Variants in GRM7 observed in about 807,000 individuals in gnomAD.
GRM7 encodes metabotropic glutamate receptor 7.
In GRM7, 35 loss-of-function variants were observed where a neutral mutation model predicts 84.5. The observed-to-expected ratio is 0.41, with a 90% CI of 0.32 to 0.55. The LOEUF (loss-of-function observed/expected upper bound fraction) is 0.55, where lower values mean the gene tolerates loss of function less well. Among genes scored for constraint, GRM7 ranks in the 20% least tolerant of loss-of-function variants. The probability of loss-of-function intolerance (pLI) is 0.19; values close to 1 mark genes in which losing one functional copy is unlikely to be tolerated. For missense variants in GRM7, 1,003 were observed against 1,194.6 expected, an observed-to-expected ratio of 0.84 and a Z score of 2.36; for synonymous variants, 487 against 455.1, an observed-to-expected ratio of 1.07 and a Z score of -0.89.
rs982316653 is a variant in GRM7, at chr3:7,059,487, A to G, written c.520-86965A>G. On this transcript the variant is annotated intron_variant, in intron 1 of 9. Coordinates refer to ENST00000357716, the MANE Select transcript of GRM7 (RefSeq NM_000844.4). ...TCTAAACACATTAAAAGATTCACTC[A>G]TATTTGTTCTTTGATCATTATTAGT... 3.4e-4 allele frequency among the ~76,000 whole-genome samples: 52 copies of G among 151,842 alleles called. 1 individual carries two copies. The highest frequency in any genetic ancestry group is 3.3e-3 in the Admixed American group (50 of 15,198).
chr3:7,050,660 G>A (rs564584335), intron 1 of GRM7, among the ~76,000 whole-genome samples: 1 of 152,068 alleles, frequency 6.6e-6, no homozygotes, highest in Non-Finnish European at 1.5e-5. Context: ...TGCTGCAAAA[G>A]CAGGGAAGTG....
chr3:7,632,522 G>C (rs762692386), intron 8 of GRM7, among the ~76,000 whole-genome samples: 3 of 152,190 alleles, frequency 2.0e-5, no homozygotes, highest in African/African-American at 7.2e-5. Flanking sequence ...AAATGGCAAA[G>C]TGATAAGAGC....
intron 8 of GRM7, among the ~76,000 whole-genome samples, chr3:7,599,484 A>G (rs935883409): frequency 3.9e-5 from 6 of 152,106 alleles, no homozygotes; most frequent in African/African-American, 9.7e-5. Context: ...ATTTGTATTC[A>G]GTTTTCACAT....
chr3:6,999,267 A>G (rs932998317), intron 1 of GRM7, among the ~76,000 whole-genome samples: 3 of 152,164 alleles, frequency 2.0e-5, no homozygotes, highest in Non-Finnish European at 4.4e-5. Flanking sequence ...CCTCATCTCC[A>G]TGTGAGAACA....
intron 2 of GRM7, among the ~76,000 whole-genome samples, chr3:7,200,076 C>A (rs1428292351): frequency 6.6e-6 from 1 of 152,128 alleles, no homozygotes; most frequent in Non-Finnish European, 1.5e-5. Context: ...TGGGCATATG[C>A]CAGGGGATCA....
Position 7,651,044 on chromosome 3 carries a change from C to T in GRM7, c.2452-29005C>T, listed in dbSNP as rs868447028. ...AAATTGTGGGGAAAGAAGGCAGCCT[C>T]TTTTTCTTATTCAACACATGAAGCT... On this transcript the variant is annotated intron_variant, in intron 8 of 9. Transcript: ENST00000357716. Among the ~76,000 whole-genome samples the T allele has an allele frequency of 1.1e-3, 172 of 152,062 alleles. 1 individual carries two copies. The highest frequency in any genetic ancestry group is 0.01 in the Middle Eastern group (3 of 294).
chr3:7,703,911 A>T (rs531092620), intron 9 of GRM7, among the ~76,000 whole-genome samples: 23 of 152,316 alleles, frequency 1.5e-4, no homozygotes, highest in African/African-American at 5.3e-4. Flanking sequence ...TCAGAATGAA[A>T]CTGTCCCTTC....
At chr3:6,989,264 G>C (rs1021574501) in intron 1 of GRM7, among the ~76,000 whole-genome samples, 1 of 152,102 alleles carries the variant, frequency 6.6e-6, no homozygotes, top group Non-Finnish European at 1.5e-5. Flanking sequence ...TATATTTTAT[G>C]TATGTCAACA....
chr3:7,690,360 G>C (rs938892233), intron 9 of GRM7, among the ~76,000 whole-genome samples: 1 of 151,926 alleles, frequency 6.6e-6, no homozygotes, highest in African/African-American at 2.4e-5. Context: ...AGATGCACGG[G>C]AAACATTTAT....
intron 2 of GRM7, among the ~76,000 whole-genome samples, chr3:7,279,422 T>A (rs573696752): frequency 1.3e-5 from 2 of 152,266 alleles, no homozygotes; most frequent in Non-Finnish European, 2.9e-5. Flanking sequence ...ACTGATTGCA[T>A]GAAGACTGGA....
intron 2 of GRM7, among the ~76,000 whole-genome samples, chr3:7,212,258 C>G (rs1324882398): frequency 1.4e-5 from 2 of 145,732 alleles, no homozygotes; most frequent in African/African-American, 5.1e-5. Context: ...TATTTCATTT[C>G]TGCCTAATGG....
At chr3:7,456,571 ATCT>A (rs986501510) in intron 6 of GRM7, among the ~76,000 whole-genome samples, 14 of 151,660 alleles carry the variant, frequency 9.2e-5, no homozygotes, top group Non-Finnish European at 2.1e-4. Context: ...TAAGTCCACA[ATCT>A]GCTTCCTGGA....
intron 4 of GRM7, among the ~76,000 whole-genome samples, chr3:7,376,399 T>A (rs938636875): frequency 2.0e-5 from 3 of 152,160 alleles, no homozygotes; most frequent in African/African-American, 7.2e-5. Flanking sequence ...CCCACACCTA[T>A]GCAAAATACC....
At chr3:7,071,174 C>A (rs1874965) in intron 1 of GRM7, among the ~76,000 whole-genome samples, 28,910 of 151,906 alleles carry the variant, frequency 0.19, 2,864 homozygotes, top group Admixed American at 0.28. Context: ...CTTACCTAAC[C>A]CAATTTTTCT....
At chr3:6,890,198 AT>A (rs1695876888) in intron 1 of GRM7, among the ~76,000 whole-genome samples, 2 of 152,028 alleles carry the variant, frequency 1.3e-5, no homozygotes, top group Admixed American at 6.6e-5. Context: ...AGATTCATTA[AT>A]TTTTTGAAGG....
intron 4 of GRM7, among the ~76,000 whole-genome samples, chr3:7,327,014 T>C (rs1030382502): frequency 3.3e-5 from 5 of 152,214 alleles, no homozygotes; most frequent in Non-Finnish European, 7.3e-5. Context: ...AGACTACAGA[T>C]GGCATCTCTC....
rs752234895 is a variant in GRM7 at position 7,741,075 on chromosome 3, C to G, written c.*669C>G. On this transcript the variant is annotated 3_prime_UTR_variant, in exon 10 of 10. Transcript: ENST00000357716. ...TGCTGAGAAAGTATGCCCCACCTATCTTTGGTATATGATAGGTTACATAAA... is the reference window on the plus strand; with the variant it reads ...TGCTGAGAAAGTATGCCCCACCTATGTTTGGTATATGATAGGTTACATAAA... The G allele has an allele frequency of 2.0e-5, 3 of 152,044 alleles. No individual in the cohort carries two copies. Among genetic ancestry groups the G allele is most frequent in the Non-Finnish European group, 2.9e-5 (2 of 67,972 alleles). The allele number at this position is 152,044 out of a possible 1,614,324, so 9.4% of individuals were successfully genotyped here. A position where few individuals can be genotyped will look rare whatever the true frequency, so the allele number is the denominator to read the frequency against.
At chr3:7,646,975 G>T (rs4686148) in intron 8 of GRM7, among the ~76,000 whole-genome samples, 39,675 of 152,052 alleles carry the variant, frequency 0.26, 5,917 homozygotes, top group Non-Finnish European at 0.34. Context: ...ACTTGTAGAG[G>T]TGAACTGGGT....
At chr3:7,213,521 T>C (rs1348369255) in intron 2 of GRM7, among the ~76,000 whole-genome samples, 1 of 152,204 alleles carries the variant, frequency 6.6e-6, no homozygotes, top group Non-Finnish European at 1.5e-5. Flanking sequence ...TCATATACGA[T>C]GTCTGAAGTT....
Sources: gnomAD v4.1 joint callset for allele counts (sites outside exome capture counted in the v4.1 genomes callset) on GRCh38, gnomAD v4.1.1 for gene constraint, MANE v1.5 for transcripts, NCBI Gene and HGNC (gene_info 2026-07-23, HGNC 2026-07-21) for gene names.